The following GPR26 variants were observed in gnomAD, a reference collection of about 807,000 sequenced individuals.
GPR26 encodes G protein-coupled receptor 26.
GPR26 carries 15 observed loss-of-function variants against 23.1 expected under a neutral mutation model. The observed-to-expected ratio is 0.65, with a 90% CI of 0.43 to 1.00. GPR26 has a LOEUF of 1.00. GPR26 is among the 50% of genes least tolerant of loss of function. The probability of loss-of-function intolerance (pLI) is 0.00; values close to 1 mark genes in which losing one functional copy is unlikely to be tolerated. For missense variants in GPR26, 359 were observed against 470.5 expected, an observed-to-expected ratio of 0.76 and a Z score of 2.19; for synonymous variants, 228 against 222.1, an observed-to-expected ratio of 1.03 and a Z score of -0.24.
At position 123,674,380 on chromosome 10, in the gene GPR26, C is replaced by T. The variant is rs76499957; in HGVS notation, c.669-438C>T. 0.016 allele frequency among the ~76,000 whole-genome samples: 2,376 copies of T among 152,316 alleles called. 64 individuals are homozygous for T. Among genetic ancestry groups the T allele is most frequent in the South Asian group, 0.07 (339 of 4,828 alleles). On this transcript the variant is annotated intron_variant, in intron 1 of 2. Coordinates refer to ENST00000284674, the MANE Select transcript of GPR26 (RefSeq NM_153442.4). The surrounding 1 kb of genome is among the most constrained non-coding windows in gnomAD (Gnocchi z 4.1). ...GAGATACTACTTAGAGAGTGGGGCA[C>T]TCTGGAGCCAGCCCATAGCAGATGA... is the stretch of plus-strand genomic sequence containing the variant.
rs1310407149 is a variant in GPR26 at position 123,690,903 on chromosome 10, CT to C, written c.*2744del. The C allele has an allele frequency of 6.6e-6, 1 of 152,178 alleles. No individual in the cohort carries two copies. The highest frequency in any genetic ancestry group is 1.5e-5 in the Non-Finnish European group (1 of 68,042). The allele number at this position is 152,178 out of a possible 1,614,324, so 9.4% of individuals were successfully genotyped here. ...CAAGATTTTCAGCATCTGAATCAAA[CT>C]AAAATTACTTGCTTGACTTCACTCC... On this transcript the variant is annotated 3_prime_UTR_variant, in exon 3 of 3. Transcript: ENST00000284674.
intron 1 of GPR26, among the ~76,000 whole-genome samples, chr10:123,670,179 G>GTGTC (rs2133921961): frequency 6.6e-6 from 1 of 152,312 alleles, no homozygotes; most frequent in Non-Finnish European, 1.5e-5. Flanking sequence ...TTCCCCCAGT[G>GTGTC]TGTCCTCTGT....
chr10:123,691,526 A>G lies in GPR26; in HGVS notation c.*3366A>G, dbSNP rs186195565. 2 of 152,288 alleles carry G rather than the reference A, an allele frequency of 1.3e-5. No homozygotes were observed. The highest frequency in any genetic ancestry group is 2.9e-5 in the Non-Finnish European group (2 of 68,020). The allele number at this position is 152,288 out of a possible 1,614,324, so 9.4% of individuals were successfully genotyped here. On this transcript the variant is annotated 3_prime_UTR_variant, in exon 3 of 3. Transcript: ENST00000284674. The stretch of plus-strand genomic sequence containing the variant: ...GTAGATGAGGCCTTCCCATGGCTAC[A>G]GTGTGACCCTTGGAGGAACCAAAGG...
intron 1 of GPR26, among the ~76,000 whole-genome samples, chr10:123,669,318 G>A (rs1845224749): frequency 6.6e-6 from 1 of 152,194 alleles, no homozygotes; most frequent in Non-Finnish European, 1.5e-5. Context: ...CATGTGGGAG[G>A]GACAACACAG....
At position 123,695,329 on chromosome 10, in the gene GPR26, TCTCATGCATG is replaced by T. The variant is rs1281210843; in HGVS notation, c.*7174_*7183del. ...CCAGCGTGTGGTATTTCCTGTGTCC[TCTCATGCATG>T]CTCAGCATGTCACTGTTGTACTCAT... On this transcript the variant is annotated 3_prime_UTR_variant, in exon 3 of 3. Coordinates refer to ENST00000284674, the MANE Select transcript of GPR26 (RefSeq NM_153442.4). Among the ~76,000 whole-genome samples, 14 of 152,214 alleles carry T rather than the reference TCTCATGCATG, an allele frequency of 9.2e-5. No homozygotes were observed. The highest frequency in any genetic ancestry group is 3.4e-4 in the African/African-American group (14 of 41,452).
rs912431134 is a variant in GPR26 at position 123,692,748 on chromosome 10, C to G, written c.*4588C>G. The G allele has an allele frequency of 2.6e-5, 4 of 152,186 alleles. No individual in the cohort carries two copies. Among genetic ancestry groups the G allele is most frequent in the African/African-American group, 7.2e-5 (3 of 41,422 alleles). 9.4% of individuals were successfully genotyped at this position (152,186 alleles called of 1,614,324 possible). ...TTTGATGTAGGTGCTGTTATTATCT[C>G]TACGTTACACATCTGGGAGGATTTG... On this transcript the variant is annotated 3_prime_UTR_variant, in exon 3 of 3. Transcript: ENST00000284674.
At chr10:123,677,479 G>T (rs1200943791) in intron 2 of GPR26, among the ~76,000 whole-genome samples, 2 of 152,154 alleles carry the variant, frequency 1.3e-5, no homozygotes, top group Non-Finnish European at 2.9e-5. Flanking sequence ...TGTGTGTGGA[G>T]GTGCCATCCT....
chr10:123,680,827 TGG>T (rs71026068), intron 2 of GPR26, among the ~76,000 whole-genome samples: 1,106 of 95,664 alleles, frequency 0.012, 82 homozygotes, highest in Middle Eastern at 0.056. Context: ...TTTGTTTTTT[TGG>T]GGGGGGGGGT....
chr10:123,683,536 C>G (rs1564732721), intron 2 of GPR26, among the ~76,000 whole-genome samples: 1 of 152,200 alleles, frequency 6.6e-6, no homozygotes, highest in Non-Finnish European at 1.5e-5. Flanking sequence ...TCAGAGAAGG[C>G]CTTGGAGTTC....
chr10:123,676,839 T>G (rs1384363157), intron 2 of GPR26, among the ~76,000 whole-genome samples: 1 of 151,776 alleles, frequency 6.6e-6, no homozygotes, highest in East Asian at 1.9e-4. Flanking sequence ...CAGAAAGGAG[T>G]GCAGTGTTGT....
At chr10:123,687,519 T>G (rs1350140872) in intron 2 of GPR26, among the ~76,000 whole-genome samples, 1 of 152,216 alleles carries the variant, frequency 6.6e-6, no homozygotes, top group Admixed American at 6.5e-5. Flanking sequence ...AGCCAGCTAT[T>G]AGCTAATAGC....
At chr10:123,679,630 ATAAT>A (rs1298163807) in intron 2 of GPR26, among the ~76,000 whole-genome samples, 3 of 115,884 alleles carry the variant, frequency 2.6e-5, no homozygotes, top group African/African-American at 1.1e-4. Context: ...GAGTGTTTGA[ATAAT>A]TGCCCAGAGC....
intron 2 of GPR26, among the ~76,000 whole-genome samples, chr10:123,677,087 G>T (rs1845319319): frequency 6.6e-6 from 1 of 152,138 alleles, no homozygotes. Context: ...CTAATGAGGT[G>T]AATGGGCACC....
rs751209834 is a variant in GPR26, at chr10:123,666,651, G to A, written c.244G>A (p.Ala82Thr). 6.3e-7 allele frequency: 1 copy of A among 1,597,186 alleles called. No homozygotes were observed. The highest frequency in any genetic ancestry group is 1.1e-5 in the South Asian group (1 of 89,976). The change falls in exon 1 of 3, where the codon GCT becomes ACT. Residue 82 changes from alanine (A) to threonine (T), a missense_variant. Ala to Thr is a moderately conservative substitution (Grantham distance 58). Transcript: ENST00000284674. ...QPAGDRLCRL[A>T]AFLDTFLAAN... ...GGCGGGCGACCGCCTGTGCCGCCTG[G>A]CTGCCTTCCTCGACACCTTCCTGGC...
At position 123,694,500 on chromosome 10, in the gene GPR26, A is replaced by T. The variant is rs1265911947; in HGVS notation, c.*6340A>T. 6.6e-6 allele frequency: 1 copy of T among 151,862 alleles called. No homozygotes were observed. The highest frequency in any genetic ancestry group is 1.5e-5 in the Non-Finnish European group (1 of 67,974). The allele number at this position is 151,862 out of a possible 1,614,324, so 9.4% of individuals were successfully genotyped here. A position where few individuals can be genotyped will look rare whatever the true frequency, so the allele number is the denominator to read the frequency against. On this transcript the variant is annotated 3_prime_UTR_variant, in exon 3 of 3. Coordinates refer to ENST00000284674, the MANE Select transcript of GPR26 (RefSeq NM_153442.4). ...GAGAGGACATGGAGAAAATCCATATATTTTTAGCTACCAAAAAAGAGAAGG... is the reference window on the plus strand; with the variant it reads ...GAGAGGACATGGAGAAAATCCATATTTTTTTAGCTACCAAAAAAGAGAAGG...
At chr10:123,682,148 T>A (rs1222114886) in intron 2 of GPR26, among the ~76,000 whole-genome samples, 2 of 152,204 alleles carry the variant, frequency 1.3e-5, no homozygotes, top group Non-Finnish European at 2.9e-5. Context: ...TGACATGAAC[T>A]CAGATGGCCT....
At chr10:123,672,931 G>A (rs1243990838) in intron 1 of GPR26, among the ~76,000 whole-genome samples, 1 of 152,070 alleles carries the variant, frequency 6.6e-6, no homozygotes, top group African/African-American at 2.4e-5. Context: ...CTGAAAAATG[G>A]GGACCATGAT....
chr10:123,684,598 G>A (rs565408106), intron 2 of GPR26, among the ~76,000 whole-genome samples: 22 of 152,322 alleles, frequency 1.4e-4, no homozygotes, highest in African/African-American at 3.8e-4. Context: ...CCCATTCCCC[G>A]AGCTCCTGGT....
chr10:123,681,415 C>A (rs1387181388), intron 2 of GPR26, among the ~76,000 whole-genome samples: 1 of 152,342 alleles, frequency 6.6e-6, no homozygotes, highest in Non-Finnish European at 1.5e-5. Flanking sequence ...GTTCATGTGT[C>A]ACTTACACCC....
Sources: gnomAD v4.1 joint callset for allele counts (sites outside exome capture counted in the v4.1 genomes callset) on GRCh38, gnomAD v4.1.1 for gene constraint, Gnocchi (gnomAD v3.1) non-coding constraint, MANE v1.5 for transcripts, NCBI Gene and HGNC (gene_info 2026-07-23, HGNC 2026-07-21) for gene names.